STXBP6: variants seen among roughly 807,000 people sequenced by gnomAD.
STXBP6 encodes syntaxin binding protein 6.
STXBP6 carries 21 observed loss-of-function variants against 26.9 expected under a neutral mutation model. That is an observed-to-expected ratio of 0.78 (90% CI 0.55 to 1.12). The LOEUF (loss-of-function observed/expected upper bound fraction) is 1.12, where lower values mean the gene tolerates loss of function less well. Among genes scored for constraint, STXBP6 ranks in the 50% most tolerant of loss-of-function variants. The pLI is 0.00. For missense variants in STXBP6, 232 were observed against 257.9 expected, an observed-to-expected ratio of 0.90 and a Z score of 0.69; for synonymous variants, 97 against 92.6, an observed-to-expected ratio of 1.05 and a Z score of -0.27.
intron 1 of STXBP6, among the ~76,000 whole-genome samples, chr14:25,046,279 C>T (rs913876303): frequency 6.6e-6 from 1 of 152,126 alleles, no homozygotes; most frequent in Admixed American, 6.5e-5. Flanking sequence ...CCTACTTATA[C>T]TAAGTGGGAA....
At chr14:24,952,365 C>T (rs1051679614) in intron 2 of STXBP6, among the ~76,000 whole-genome samples, 14 of 151,174 alleles carry the variant, frequency 9.3e-5, no homozygotes, top group African/African-American at 1.9e-4. Flanking sequence ...GTTAATCTGT[C>T]GGCATGAATA....
chr14:24,947,434 T>C (rs1432826668), intron 2 of STXBP6, among the ~76,000 whole-genome samples: 2 of 152,190 alleles, frequency 1.3e-5, no homozygotes, highest in Non-Finnish European at 2.9e-5. Context: ...TTCAACAGAA[T>C]GCCAGGAGGC....
chr14:24,950,434 G>T (rs570367387), intron 2 of STXBP6, among the ~76,000 whole-genome samples: 1 of 152,222 alleles, frequency 6.6e-6, no homozygotes, highest in Admixed American at 6.5e-5. Flanking sequence ...AAGTTTAAAT[G>T]TCAATGAACA....
chr14:24,899,898 A>G (rs1347441992), intron 2 of STXBP6, among the ~76,000 whole-genome samples: 11 of 151,416 alleles, frequency 7.3e-5, no homozygotes, highest in Non-Finnish European at 1.5e-5. Context: ...CTTAGACACT[A>G]TGCCATGCAG....
chr14:25,002,487 GTA>G (rs1248551284), intron 1 of STXBP6, among the ~76,000 whole-genome samples: 14 of 151,216 alleles, frequency 9.3e-5, no homozygotes, highest in African/African-American at 3.4e-4. Context: ...AGCCTCCCAA[GTA>G]GCTGGGACTA....
chr14:25,036,710 G>A (rs145817743), intron 1 of STXBP6, among the ~76,000 whole-genome samples: 9,607 of 151,926 alleles, frequency 0.063, 428 homozygotes, highest in South Asian at 0.16. Flanking sequence ...CAAAAAATTA[G>A]CCGGGCGTGG....
Position 24,976,235 on chromosome 14 carries a change from T to C in STXBP6, c.-32-1385A>G, listed in dbSNP as rs533170659. Among the ~76,000 whole-genome samples, 76 of 152,336 alleles carry C rather than the reference T, an allele frequency of 5.0e-4. 1 individual carries two copies. In the South Asian group the frequency reaches 0.015, roughly 29 times the overall value. On this transcript the variant is annotated intron_variant, in intron 1 of 5. Transcript: ENST00000323944. ...AAGATCACGGGATCATCCTTCCCAA[T>C]GCAAGATTCACAAATGCTACCCACA... is the stretch of plus-strand genomic sequence containing the variant.
rs570917188 is a variant in STXBP6 at position 24,828,650 on chromosome 14, C to T, written c.452-9456G>A. ...GGACTAATGAGCATTAATGGTCAAA[C>T]ATATCCACTAGGTAGAAAGAATGAC... On this transcript the variant is annotated intron_variant, in intron 4 of 5. Coordinates refer to ENST00000323944, the MANE Select transcript of STXBP6 (RefSeq NM_001394410.1). Among the ~76,000 whole-genome samples the T allele has an allele frequency of 2.0e-5, 3 of 152,278 alleles. No homozygotes were observed. The South Asian group carries it at 6.2e-4, about 32-fold the overall frequency.
At chr14:25,009,862 C>G (rs1027397400) in intron 1 of STXBP6, among the ~76,000 whole-genome samples, 3 of 152,218 alleles carry the variant, frequency 2.0e-5, no homozygotes, top group African/African-American at 7.2e-5. Flanking sequence ...TTTACTTTTT[C>G]TAGAGTGAGT....
intron 2 of STXBP6, among the ~76,000 whole-genome samples, chr14:24,874,704 A>G (rs1376520196): frequency 6.6e-6 from 1 of 152,216 alleles, no homozygotes; most frequent in African/African-American, 2.4e-5. Context: ...TTGCTGAGAC[A>G]ACAAAGTAGA....
intron 1 of STXBP6, among the ~76,000 whole-genome samples, chr14:24,999,590 G>A (rs994132100): frequency 2.6e-5 from 4 of 152,130 alleles, no homozygotes; most frequent in African/African-American, 7.2e-5. Flanking sequence ...ACAATGTTAC[G>A]GGAATCCAAA....
At chr14:24,994,388 C>T (rs1209174419) in intron 1 of STXBP6, among the ~76,000 whole-genome samples, 1 of 152,138 alleles carries the variant, frequency 6.6e-6, no homozygotes, top group African/African-American at 2.4e-5. Context: ...ATTTCTCTAA[C>T]TTTTGTTCTT....
chr14:24,900,887 G>T (rs1156918293), intron 2 of STXBP6, among the ~76,000 whole-genome samples: 1 of 152,150 alleles, frequency 6.6e-6, no homozygotes, highest in Non-Finnish European at 1.5e-5. Flanking sequence ...CTAAACATCA[G>T]AAATAAATGA....
At position 25,045,600 on chromosome 14, in the gene STXBP6, CT is replaced by C. The variant is rs200296496; in HGVS notation, c.-33+4277del. Among the ~76,000 whole-genome samples the C allele has an allele frequency of 3.7e-5, 5 of 136,012 alleles. No homozygotes were observed. The South Asian group carries it at 7.3e-4, about 20-fold the overall frequency. The allele number at this position is 136,012 out of a possible 152,430, so 89.2% of individuals were successfully genotyped here. A position where few individuals can be genotyped will look rare whatever the true frequency, so the allele number is the denominator to read the frequency against. On this transcript the variant is annotated intron_variant, in intron 1 of 5. Transcript: ENST00000323944. ...TTAAATGCGTTCATACTTTTTTTTTCTTTTCTTTTTTTTTTTTTTTGAGATG... is the reference window on the plus strand; with the variant it reads ...TTAAATGCGTTCATACTTTTTTTTTCTTTCTTTTTTTTTTTTTTTGAGATG...
chr14:24,931,627 G>C (rs976649685), intron 2 of STXBP6, among the ~76,000 whole-genome samples: 5 of 152,176 alleles, frequency 3.3e-5, no homozygotes, highest in African/African-American at 9.7e-5. Flanking sequence ...TTGAACAAGT[G>C]AAGTGTACTC....
At chr14:24,938,637 A>T (rs1053873514) in intron 2 of STXBP6, among the ~76,000 whole-genome samples, 1 of 151,546 alleles carries the variant, frequency 6.6e-6, no homozygotes, top group African/African-American at 2.4e-5. Flanking sequence ...AGTCCATTAT[A>T]CCAGTACTAG....
chr14:24,908,305 G>T (rs777971030), intron 2 of STXBP6, among the ~76,000 whole-genome samples: 1 of 152,126 alleles, frequency 6.6e-6, no homozygotes, highest in Non-Finnish European at 1.5e-5. Flanking sequence ...CCACTTCTGT[G>T]CTTTCACTTG....
chr14:25,001,363 A>G (rs2074756612), intron 1 of STXBP6, among the ~76,000 whole-genome samples: 1 of 152,192 alleles, frequency 6.6e-6, no homozygotes, highest in Admixed American at 6.5e-5. Context: ...GCATTTCCTG[A>G]GTGATAGGAG....
chr14:24,880,197 G>A (rs1047635139), intron 2 of STXBP6, among the ~76,000 whole-genome samples: 2 of 152,104 alleles, frequency 1.3e-5, no homozygotes, highest in Non-Finnish European at 2.9e-5. Flanking sequence ...TCACTATATT[G>A]TTCACAATAT....
Sources: allele counts gnomAD v4.1 joint callset (sites outside exome capture counted in the v4.1 genomes callset), GRCh38; gene constraint gnomAD v4.1.1; transcripts MANE v1.5; gene names NCBI Gene and HGNC (gene_info 2026-07-23, HGNC 2026-07-21).